Variants in LRP1B observed in about 807,000 individuals in gnomAD.
LRP1B encodes the protein low-density lipoprotein receptor-related protein 1B.
LRP1B carries 217 observed loss-of-function variants against 556.6 expected under a neutral mutation model. The ratio of observed to expected loss-of-function variants is 0.39; its 90% CI spans 0.35 to 0.44. LRP1B has a LOEUF of 0.44. Among genes scored for constraint, LRP1B ranks in the 20% least tolerant of loss-of-function variants. The pLI, the probability that LRP1B is intolerant of heterozygous loss-of-function variation, is 1.00. For synonymous variants in LRP1B, 2,047 were observed against 1,865.8 expected, an observed-to-expected ratio of 1.10 and a Z score of -2.50; for missense variants, 5,053 against 5,620.8, an observed-to-expected ratio of 0.90 and a Z score of 3.23.
Position 141,690,401 on chromosome 2 carries a change from ATATATATATATATATATAT to A in LRP1B, c.205+119859_205+119877del, listed in dbSNP as rs1691475925. ...GAAAAGGGATTACATCTATAAATAT[ATATATATATATATATATAT>A]ATATATATATATATATATATAATTA... On this transcript the variant is annotated intron_variant, in intron 2 of 90. Coordinates refer to ENST00000389484, the MANE Select transcript of LRP1B (RefSeq NM_018557.3). Among the ~76,000 whole-genome samples the A allele has an allele frequency of 1.8e-3, 191 of 107,548 alleles. 8 individuals are homozygous for A. The highest frequency in any genetic ancestry group is 2.6e-3 in the Non-Finnish European group (136 of 52,274). The allele number at this position is 107,548 out of a possible 152,430, so 70.6% of individuals were successfully genotyped here.
At chr2:140,368,124 T>C (rs1156811347) in intron 71 of LRP1B, among the ~76,000 whole-genome samples, 5 of 151,810 alleles carry the variant, frequency 3.3e-5, no homozygotes, top group Admixed American at 1.3e-4. Flanking sequence ...CACTTAAAAT[T>C]CCTTATTTTG....
intron 86 of LRP1B, among the ~76,000 whole-genome samples, chr2:140,251,950 G>A (rs564076806): frequency 6.7e-5 from 10 of 149,060 alleles, no homozygotes; most frequent in Non-Finnish European, 1.2e-4. Flanking sequence ...TTTTGGTGGT[G>A]AGCATATAAA....
chr2:140,621,252 G>T (rs1429130588), intron 41 of LRP1B, among the ~76,000 whole-genome samples: 2 of 151,514 alleles, frequency 1.3e-5, no homozygotes, highest in Admixed American at 6.6e-5. Flanking sequence ...CGGGTGTGGT[G>T]GTGGGCGCCT....
chr2:142,071,563 G>A (rs1240721475), intron 1 of LRP1B, among the ~76,000 whole-genome samples: 1 of 151,976 alleles, frequency 6.6e-6, no homozygotes, highest in Non-Finnish European at 1.5e-5. Flanking sequence ...TCATTTATAA[G>A]TACATTTGAA....
At chr2:141,716,814 T>C (rs1692611653) in intron 2 of LRP1B, among the ~76,000 whole-genome samples, 3 of 152,218 alleles carry the variant, frequency 2.0e-5, no homozygotes, top group Non-Finnish European at 4.4e-5. Flanking sequence ...TGTAAGCCAC[T>C]TTATGAGACA....
chr2:140,369,314 C>T (rs1682889789), intron 71 of LRP1B, among the ~76,000 whole-genome samples: 1 of 151,830 alleles, frequency 6.6e-6, no homozygotes. Flanking sequence ...CATGCCAGCC[C>T]AAGCAAGAAG....
intron 2 of LRP1B, among the ~76,000 whole-genome samples, chr2:141,666,166 G>A (rs897377887): frequency 1.3e-5 from 2 of 152,164 alleles, no homozygotes; most frequent in Non-Finnish European, 2.9e-5. Flanking sequence ...ACTAAGGAGT[G>A]TATTTCATAA....
At chr2:140,798,985 T>C (rs536091316) in intron 32 of LRP1B, among the ~76,000 whole-genome samples, 1 of 152,296 alleles carries the variant, frequency 6.6e-6, no homozygotes, top group East Asian at 1.9e-4. Context: ...GTAGATGCTC[T>C]GTAAATAACA....
chr2:141,203,879 A>T (rs531892075), intron 6 of LRP1B, among the ~76,000 whole-genome samples: 11 of 152,244 alleles, frequency 7.2e-5, no homozygotes, highest in Non-Finnish European at 1.5e-4. Flanking sequence ...TAAGAAACTC[A>T]CTCAAAACCA....
At chr2:140,273,813 G>T (rs571215487) in intron 85 of LRP1B, among the ~76,000 whole-genome samples, 3 of 151,946 alleles carry the variant, frequency 2.0e-5, no homozygotes, top group African/African-American at 4.8e-5. Context: ...CCCTTTAGCC[G>T]CAATGTTCTG....
At chr2:141,388,447 A>T (rs762666749) in intron 3 of LRP1B, among the ~76,000 whole-genome samples, 52 of 152,242 alleles carry the variant, frequency 3.4e-4, no homozygotes, top group Middle Eastern at 3.4e-3. Context: ...AAAAATAAAT[A>T]AATTAATTAA....
At chr2:141,506,838 T>G (rs1170389668) in intron 2 of LRP1B, among the ~76,000 whole-genome samples, 1 of 152,234 alleles carries the variant, frequency 6.6e-6, no homozygotes, top group Non-Finnish European at 1.5e-5. Flanking sequence ...TATTATAAAT[T>G]TTTAAGTATA....
chr2:140,308,437 G>T (rs1034195987), intron 83 of LRP1B, among the ~76,000 whole-genome samples: 1 of 151,700 alleles, frequency 6.6e-6, no homozygotes, highest in South Asian at 2.1e-4. Flanking sequence ...CATAGTGACC[G>T]ATTATTATTT....
At chr2:141,701,694 A>G (rs942044838) in intron 2 of LRP1B, among the ~76,000 whole-genome samples, 1 of 151,868 alleles carries the variant, frequency 6.6e-6, no homozygotes, top group African/African-American at 2.4e-5. Flanking sequence ...TATTTTCAAA[A>G]CGAATCTACA....
chr2:141,080,673 G>A (rs1452289528), intron 7 of LRP1B, among the ~76,000 whole-genome samples: 1 of 152,204 alleles, frequency 6.6e-6, no homozygotes, highest in Non-Finnish European at 1.5e-5. Flanking sequence ...GACACCGTCA[G>A]ATTGACCTGC....
chr2:140,461,282 T>G (rs998355240), intron 60 of LRP1B, among the ~76,000 whole-genome samples: 1 of 152,072 alleles, frequency 6.6e-6, no homozygotes, highest in African/African-American at 2.4e-5. Flanking sequence ...TTTAAATACT[T>G]AAGAAACGAA....
intron 45 of LRP1B, among the ~76,000 whole-genome samples, chr2:140,539,401 G>A (rs1049041383): frequency 2.0e-5 from 3 of 152,054 alleles, no homozygotes; most frequent in Non-Finnish European, 2.9e-5. Context: ...AATGGACGTC[G>A]TCTGCCTCTA....
chr2:141,115,958 T>C (rs1462709606), intron 7 of LRP1B, among the ~76,000 whole-genome samples: 4 of 152,212 alleles, frequency 2.6e-5, no homozygotes, highest in Non-Finnish European at 5.9e-5. Flanking sequence ...ATAGAATGTA[T>C]ATGTATTCCC....
intron 7 of LRP1B, among the ~76,000 whole-genome samples, chr2:141,163,114 T>C (rs146805155): frequency 6.6e-6 from 1 of 152,146 alleles, no homozygotes; most frequent in East Asian, 1.9e-4. Context: ...GTAATACTAC[T>C]TTTCCTTCTT....
Sources: allele counts gnomAD v4.1 joint callset (sites outside exome capture counted in the v4.1 genomes callset), GRCh38; gene constraint gnomAD v4.1.1; transcripts MANE v1.5; gene names NCBI Gene and HGNC (gene_info 2026-07-23, HGNC 2026-07-21).